Variants in UBE2E2 observed in about 807,000 individuals in gnomAD.
UBE2E2 encodes the protein ubiquitin-conjugating enzyme E2 E2.
Under a neutral mutation model 24.7 loss-of-function variants are expected in UBE2E2, and 6 were observed. That is an observed-to-expected ratio of 0.24 (90% CI 0.13 to 0.48). The LOEUF (loss-of-function observed/expected upper bound fraction) is 0.48, where lower values mean the gene tolerates loss of function less well. Among genes scored for constraint, UBE2E2 ranks in the 20% least tolerant of loss-of-function variants. UBE2E2 has a pLI of 0.99. For synonymous variants in UBE2E2, 104 were observed against 83.6 expected (o/e 1.24, Z -1.33); for missense variants, 169 against 245.0 (o/e 0.69, Z 2.07).
rs79952377 is a variant in UBE2E2 at position 23,344,684 on chromosome 3, C to A, written c.227+127372C>A. Reference sequence around the variant, plus strand: ...GCCTGGGCAACATAGTGAGACAAACCTTGTTTCAAAAAAAATAATATATAT... The same window carrying A: ...GCCTGGGCAACATAGTGAGACAAACATTGTTTCAAAAAAAATAATATATAT... On this transcript the variant is annotated intron_variant, in intron 3 of 5. Transcript: ENST00000396703. 2.0e-3 allele frequency among the ~76,000 whole-genome samples: 301 copies of A among 151,314 alleles called. 10 individuals carry two copies. The East Asian group carries it at 0.048, about 24-fold the overall frequency.
chr3:23,357,071 A>G (rs887042434), intron 3 of UBE2E2, among the ~76,000 whole-genome samples: 3 of 152,222 alleles, frequency 2.0e-5, no homozygotes, highest in Admixed American at 2.0e-4. Context: ...CACACTGGCA[A>G]TTAAATGCTT....
At chr3:23,357,636 T>C (rs1161740852) in intron 3 of UBE2E2, among the ~76,000 whole-genome samples, 1 of 152,170 alleles carries the variant, frequency 6.6e-6, no homozygotes, top group African/African-American at 2.4e-5. Context: ...GGGAGCTCCA[T>C]ATCAGCAGCT....
intron 3 of UBE2E2, among the ~76,000 whole-genome samples, chr3:23,350,834 T>C (rs1695725480): frequency 6.6e-6 from 1 of 152,184 alleles, no homozygotes. Context: ...CCAGGAGAAC[T>C]TCCCCAATCT....
At chr3:23,456,159 A>G (rs142586902) in intron 3 of UBE2E2, among the ~76,000 whole-genome samples, 2 of 152,238 alleles carry the variant, frequency 1.3e-5, no homozygotes, top group Admixed American at 6.5e-5. Flanking sequence ...AAGTTTGATC[A>G]TAAGATTGCA....
intron 3 of UBE2E2, among the ~76,000 whole-genome samples, chr3:23,236,707 A>G (rs991995746): frequency 7.9e-5 from 12 of 152,118 alleles, no homozygotes; most frequent in African/African-American, 2.7e-4. Context: ...CAGAAATGTT[A>G]CATCTGGAGA....
intron 3 of UBE2E2, among the ~76,000 whole-genome samples, chr3:23,450,709 T>C (rs1438309864): frequency 6.6e-6 from 1 of 152,164 alleles, no homozygotes; most frequent in Non-Finnish European, 1.5e-5. Context: ...ATTTTCTACT[T>C]TACGTTTTAA....
chr3:23,557,840 A>G (rs1395262478), intron 5 of UBE2E2, among the ~76,000 whole-genome samples: 1 of 152,158 alleles, frequency 6.6e-6, no homozygotes, highest in Admixed American at 6.5e-5. Flanking sequence ...CTGTCACTGT[A>G]TTTTAATATC....
chr3:23,451,238 T>C (rs573243107), intron 3 of UBE2E2, among the ~76,000 whole-genome samples: 3 of 152,306 alleles, frequency 2.0e-5, no homozygotes, highest in South Asian at 2.1e-4. Flanking sequence ...TAAATAATTT[T>C]TTTTGAAAAA....
At chr3:23,257,050 C>CT (rs1362359357) in intron 3 of UBE2E2, among the ~76,000 whole-genome samples, 1 of 152,224 alleles carries the variant, frequency 6.6e-6, no homozygotes, top group Non-Finnish European at 1.5e-5. Flanking sequence ...TACTTCAGGT[C>CT]TTGAGAAGAG....
At chr3:23,311,550 C>T (rs1170407677) in intron 3 of UBE2E2, among the ~76,000 whole-genome samples, 2 of 152,056 alleles carry the variant, frequency 1.3e-5, no homozygotes, top group Admixed American at 6.5e-5. Context: ...ACTTGGGTTG[C>T]CAGTGGCTGC....
At chr3:23,246,887 A>T (rs2125342340) in intron 3 of UBE2E2, among the ~76,000 whole-genome samples, 1 of 152,260 alleles carries the variant, frequency 6.6e-6, no homozygotes, top group East Asian at 1.9e-4. Flanking sequence ...GACTTTCTGG[A>T]CTTAAAAAGA....
intron 4 of UBE2E2, among the ~76,000 whole-genome samples, chr3:23,526,059 A>C (rs571819613): frequency 6.6e-6 from 1 of 152,188 alleles, no homozygotes; most frequent in Non-Finnish European, 1.5e-5. Flanking sequence ...TGGCTGCTTC[A>C]AGGGCTTTTA....
At chr3:23,277,547 G>A (rs1698399022) in intron 3 of UBE2E2, among the ~76,000 whole-genome samples, 1 of 152,046 alleles carries the variant, frequency 6.6e-6, no homozygotes, top group Admixed American at 6.6e-5. Context: ...TAAGAAATAG[G>A]TCATTGCAAA....
At chr3:23,322,061 A>G (rs1305682254) in intron 3 of UBE2E2, among the ~76,000 whole-genome samples, 2 of 152,234 alleles carry the variant, frequency 1.3e-5, no homozygotes, top group Non-Finnish European at 2.9e-5. Flanking sequence ...TTTGTACCAT[A>G]AACAAAACAT....
In UBE2E2 at chr3:23,551,192, C is replaced by T. The variant is rs9829711; in HGVS notation, c.508+18491C>T. 8.0e-3 allele frequency among the ~76,000 whole-genome samples: 1,213 copies of T among 152,076 alleles called. 19 individuals are homozygous for T. The highest frequency in any genetic ancestry group is 0.027 in the African/African-American group (1,137 of 41,484). On this transcript the variant is annotated intron_variant, in intron 5 of 5. Transcript: ENST00000396703. ...TTCAACATTCCATAAAATATTACCA[C>T]GGACTTAAAAGGCAAGAAAAGAGAA...
At chr3:23,530,435 T>C (rs1280470661) in intron 4 of UBE2E2, among the ~76,000 whole-genome samples, 1 of 152,230 alleles carries the variant, frequency 6.6e-6, no homozygotes. Flanking sequence ...TACAGCACAT[T>C]CAGAATTGTT....
chr3:23,393,080 T>TA (rs1326812060), intron 3 of UBE2E2, among the ~76,000 whole-genome samples: 2 of 152,200 alleles, frequency 1.3e-5, no homozygotes, highest in African/African-American at 4.8e-5. Context: ...ATTCTCATCT[T>TA]ACAGAGATCC....
At chr3:23,471,971 TAAAGCC>T (rs1366346638) in intron 3 of UBE2E2, among the ~76,000 whole-genome samples, 1 of 148,618 alleles carries the variant, frequency 6.7e-6, no homozygotes, top group Admixed American at 6.7e-5. Flanking sequence ...CAAAAATGGT[TAAAGCC>T]TTTATAAGAT....
intron 3 of UBE2E2, among the ~76,000 whole-genome samples, chr3:23,237,194 T>C (rs1163715448): frequency 6.6e-6 from 1 of 152,196 alleles, no homozygotes; most frequent in Non-Finnish European, 1.5e-5. Flanking sequence ...ATATAAGGGC[T>C]CAAAAATTGT....
Sources: gnomAD v4.1 joint callset for allele counts (sites outside exome capture counted in the v4.1 genomes callset) on GRCh38, gnomAD v4.1.1 for gene constraint, MANE v1.5 for transcripts, NCBI Gene and HGNC (gene_info 2026-07-23, HGNC 2026-07-21) for gene names.